KANK4: variants seen among roughly 807,000 people sequenced by gnomAD.
KANK4 encodes KN motif and ankyrin repeat domain-containing protein 4.
KANK4 carries 50 observed loss-of-function variants against 80.8 expected under a neutral mutation model. The observed-to-expected ratio is 0.62, with a 90% confidence interval of 0.49 to 0.78. The LOEUF (loss-of-function observed/expected upper bound fraction) is 0.78, where lower values mean the gene tolerates loss of function less well. Ranked by LOEUF, KANK4 falls within the 30% of genes least tolerant of loss-of-function variation. The pLI is 0.00. For synonymous variants in KANK4, 465 were observed against 506.9 expected, an observed-to-expected ratio of 0.92 and a Z score of 1.11; for missense variants, 1,196 against 1,240.1, an observed-to-expected ratio of 0.96 and a Z score of 0.53.
rs1671242740 is a variant in KANK4, at chr1:62,237,926, G to A, written c.*351C>T. On this transcript the variant is annotated 3_prime_UTR_variant, in exon 10 of 10. Coordinates refer to ENST00000371153, the MANE Select transcript of KANK4 (RefSeq NM_181712.5). ...ATGTAAAAAGTATTGCTTTTCTAAT[G>A]TGCTAATGTGCTCCTGCCTGCCTGC... 1 of 197,392 alleles carries A rather than the reference G, an allele frequency of 5.1e-6. No homozygotes were observed. Among genetic ancestry groups the A allele is most frequent in the African/African-American group, 2.3e-5 (1 of 43,462 alleles). 12.2% of individuals were successfully genotyped at this position (197,392 alleles called of 1,614,324 possible).
intron 1 of KANK4, among the ~76,000 whole-genome samples, chr1:62,318,141 C>A (rs1399805993): frequency 6.6e-6 from 1 of 152,192 alleles, no homozygotes; most frequent in South Asian, 2.1e-4. Context: ...CATGCCTCAG[C>A]CGGGTCACTG....
At chr1:62,247,436 A>G in intron 9 of KANK4, 36 bp downstream of exon 9, 1 of 1,601,440 alleles carries the variant, frequency 6.2e-7, no homozygotes, top group South Asian at 1.1e-5. Flanking sequence ...CACCCTGCCC[A>G]GCAACAGCTA....
chr1:62,257,605 C>T (rs1331011873), intron 7 of KANK4, among the ~76,000 whole-genome samples: 1 of 152,168 alleles, frequency 6.6e-6, no homozygotes, highest in Non-Finnish European at 1.5e-5. Context: ...CTTCTGTACA[C>T]CCCTTTACAG....
intron 8 of KANK4, among the ~76,000 whole-genome samples, chr1:62,248,427 G>T (rs1037288569): frequency 3.3e-5 from 5 of 151,994 alleles, no homozygotes; most frequent in Non-Finnish European, 7.4e-5. Flanking sequence ...GGAGTGCAGT[G>T]GCACAATCAC....
At chr1:62,314,401 A>C (rs980110023) in intron 1 of KANK4, among the ~76,000 whole-genome samples, 4 of 152,082 alleles carry the variant, frequency 2.6e-5, no homozygotes, top group African/African-American at 9.7e-5. Context: ...ACACCGATGA[A>C]CTGAGCGCAG....
Position 62,275,026 on chromosome 1 carries a change from A to T in KANK4, c.78T>A (p.Ser26=). 6.2e-7 allele frequency: 1 copy of T among 1,614,116 alleles called. No homozygotes were observed. The highest frequency in any genetic ancestry group is 8.5e-7 in the Non-Finnish European group (1 of 1,180,008). ...EKDPPKSHPY[S]VETPYGFHLD... is the part of the protein sequence containing the mutation. ...AATGAAAGCCATATGGGGTCTCCACAGAATAAGGGTGGCTCTTCGGAGGGT... is the reference window on the plus strand; with the variant it reads ...AATGAAAGCCATATGGGGTCTCCACTGAATAAGGGTGGCTCTTCGGAGGGT... The change falls in exon 3 of 10, where the codon TCT becomes TCA. Residue 26 remains serine (S), a synonymous_variant. Transcript: ENST00000371153.
intron 8 of KANK4, among the ~76,000 whole-genome samples, chr1:62,249,048 C>T (rs1671543351): frequency 6.7e-6 from 1 of 148,926 alleles, no homozygotes; most frequent in African/African-American, 2.4e-5. Flanking sequence ...GTGGCGGGCG[C>T]CTGCTATTCG....
chr1:62,282,904 T>G (rs903526668), intron 1 of KANK4, among the ~76,000 whole-genome samples: 2 of 152,202 alleles, frequency 1.3e-5, no homozygotes, highest in Non-Finnish European at 2.9e-5. Flanking sequence ...ACATCCTGGT[T>G]TGTTGAAAAC....
intron 1 of KANK4, among the ~76,000 whole-genome samples, chr1:62,285,686 C>G (rs1672547614): frequency 6.6e-6 from 1 of 151,990 alleles, no homozygotes; most frequent in South Asian, 2.1e-4. Context: ...TTGGAGAATT[C>G]AACCTTACAA....
At chr1:62,244,102 T>A (rs1421381704) in intron 9 of KANK4, among the ~76,000 whole-genome samples, 1 of 152,112 alleles carries the variant, frequency 6.6e-6, no homozygotes, top group Non-Finnish European at 1.5e-5. Context: ...ATTTTACAGA[T>A]GAGCATCTAG....
intron 7 of KANK4, among the ~76,000 whole-genome samples, chr1:62,262,578 AAAAT>A (rs1373901902): frequency 6.6e-6 from 1 of 152,076 alleles, no homozygotes; most frequent in Non-Finnish European, 1.5e-5. Flanking sequence ...ATATATATAA[AAAAT>A]AAATATATAA....
chr1:62,279,459 G>A (rs1248300851), intron 2 of KANK4, among the ~76,000 whole-genome samples: 1 of 152,200 alleles, frequency 6.6e-6, no homozygotes, highest in Non-Finnish European at 1.5e-5. Flanking sequence ...AATCAGTTAG[G>A]AAGACCTGAC....
At chr1:62,277,111 C>A (rs2149146780) in intron 2 of KANK4, among the ~76,000 whole-genome samples, 2 of 152,304 alleles carry the variant, frequency 1.3e-5, no homozygotes, top group South Asian at 4.1e-4. Context: ...CCTCTGCCTT[C>A]AAAGGATTTA....
chr1:62,274,131 T>G lies in KANK4; in HGVS notation c.973A>C (p.Ile325Leu). The stretch of plus-strand genomic sequence containing the variant: ...CCCAGGCTTTCCTCAGTTACCCTGA[T>G]GCCAATGCTTCTCATGTCCACCTCT... Reference protein sequence around the residue: ...PVEVDMRSIGIRVTEESLGLA... With the variant: ...PVEVDMRSIGLRVTEESLGLA... Residue 325 changes from isoleucine to leucine, a missense_variant, in exon 3 of 10, where the codon ATC becomes CTC. Around this residue, in one of 3 missense-constraint regions of KANK4, gnomAD observed 1,154 missense variants for 1,179.6 expected, o/e 0.98. Coordinates refer to ENST00000371153, the MANE Select transcript of KANK4 (RefSeq NM_181712.5). 1 of 1,614,170 alleles carries G rather than the reference T, an allele frequency of 6.2e-7. No individual in the cohort carries two copies. The highest frequency in any genetic ancestry group is 1.6e-4 in the Middle Eastern group (1 of 6,062).
At chr1:62,268,223 G>T in intron 5 of KANK4, 64 bp downstream of exon 5, 1 of 1,262,358 alleles carries the variant, frequency 7.9e-7, no homozygotes, top group Non-Finnish European at 1.2e-6. Context: ...GCATGAACGG[G>T]TAGATATATG....
At chr1:62,276,364 T>G (rs1672314784) in intron 2 of KANK4, among the ~76,000 whole-genome samples, 1 of 152,214 alleles carries the variant, frequency 6.6e-6, no homozygotes, top group Non-Finnish European at 1.5e-5. Flanking sequence ...GTACAGAGGT[T>G]CAGAATACAG....
chr1:62,248,538 A>T, intron 8 of KANK4, among the ~76,000 whole-genome samples: 1 of 111,928 alleles, frequency 8.9e-6, no homozygotes, highest in African/African-American at 3.4e-5. Context: ...ATACCTGGTT[A>T]GTTTTTTTGT....
intron 6 of KANK4, among the ~76,000 whole-genome samples, chr1:62,264,138 C>A (rs1671962206): frequency 6.6e-6 from 1 of 152,204 alleles, no homozygotes; most frequent in Non-Finnish European, 1.5e-5. Context: ...CCTGGCTCGG[C>A]CGGGCGCGGC....
intron 1 of KANK4, among the ~76,000 whole-genome samples, chr1:62,283,651 T>C (rs1474050449): frequency 1.3e-5 from 2 of 152,170 alleles, no homozygotes; most frequent in East Asian, 1.9e-4. Flanking sequence ...ACTGCTCTCT[T>C]GTAAAGCCTC....
Sources: gnomAD v4.1 joint callset for allele counts (sites outside exome capture counted in the v4.1 genomes callset) on GRCh38, gnomAD v4.1.1 for gene constraint, gnomAD v4.1.1 regional missense constraint, MANE v1.5 for transcripts, NCBI Gene and HGNC (gene_info 2026-07-23, HGNC 2026-07-21) for gene names.